The following SH2D1A variants were observed in gnomAD, a reference collection of about 807,000 sequenced individuals.
The protein encoded by SH2D1A is SH2 domain containing 1A.
Under a neutral mutation model 10.1 loss-of-function variants are expected in SH2D1A, and 6 were observed. The observed-to-expected ratio is 0.60, with a 90% CI of 0.33 to 1.18. The LOEUF is 1.18. SH2D1A is among the 50% of genes most tolerant of loss of function. The probability of loss-of-function intolerance (pLI) is 0.04; values close to 1 mark genes in which losing one functional copy is unlikely to be tolerated. For missense variants in SH2D1A, 51 were observed against 97.6 expected, an observed-to-expected ratio of 0.52 and a Z score of 2.01; for synonymous variants, 42 against 36.9, an observed-to-expected ratio of 1.14 and a Z score of -0.51.
At chrX:124,356,177 G>C (rs1012228864) in intron 1 of SH2D1A, among the ~76,000 whole-genome samples, 39 of 108,402 alleles carry the variant, frequency 3.6e-4, no homozygotes, top group African/African-American at 1.1e-3. Flanking sequence ...CCTTGCGATA[G>C]TTTGCTGAGA....
chrX:124,357,073 C>T (rs888948121), intron 1 of SH2D1A, among the ~76,000 whole-genome samples: 2 of 111,317 alleles, frequency 1.8e-5, no homozygotes, highest in African/African-American at 6.5e-5. Context: ...TACAATAGAT[C>T]TCTTGAACTT....
In SH2D1A at chrX:124,351,047, ATAT is replaced by A. The variant is rs1274508194; in HGVS notation, c.137+4275_137+4277del. Among the ~76,000 whole-genome samples, 10 of 90,956 alleles carry A rather than the reference ATAT, an allele frequency of 1.1e-4. No individual in the cohort carries two copies. In the East Asian group the frequency reaches 2.3e-3, roughly 20 times the overall value. 79.0% of individuals were successfully genotyped at this position (90,956 alleles called of 115,157 possible). On this transcript the variant is annotated intron_variant, in intron 1 of 3. Coordinates refer to ENST00000371139, the MANE Select transcript of SH2D1A (RefSeq NM_002351.5). ...TATTATAAATATATATATTTTATAT[ATAT>A]TATTATAAATATATATTTTTATATA... is the stretch of plus-strand genomic sequence containing the variant.
At chrX:124,370,030 T>C (rs2060065605) in intron 2 of SH2D1A, 146 bp from the exon 3 acceptor site, 1 of 526,298 alleles carries the variant, frequency 1.9e-6, no homozygotes, top group East Asian at 3.4e-5. Context: ...TCTTCTGGAA[T>C]GTTGTTTTTC....
Position 124,370,162 on chromosome X carries a change from C to T in SH2D1A, c.202-14C>T. 1 of 1,187,188 alleles carries T rather than the reference C, an allele frequency of 8.4e-7. No individual in the cohort carries two copies. The highest frequency in any genetic ancestry group is 3.0e-5 in the East Asian group (1 of 33,747). On this transcript the variant is annotated splice_polypyrimidine_tract_variant and intron_variant, in intron 2 of 3. Coordinates refer to ENST00000371139, the MANE Select transcript of SH2D1A (RefSeq NM_002351.5). ...GAGATAGGTAAATAATTTGCTTGGC[C>T]TTTTATTTTCCAGACAGCACCTGGG...
At chrX:124,368,380 G>C (rs778473285) in intron 2 of SH2D1A, among the ~76,000 whole-genome samples, 1 of 111,328 alleles carries the variant, frequency 9.0e-6, no homozygotes, top group African/African-American at 3.3e-5. Flanking sequence ...ACTTCAGGTG[G>C]TCCGCCGGTC....
chrX:124,361,640 G>A (rs1286680966), intron 1 of SH2D1A, among the ~76,000 whole-genome samples: 2 of 112,049 alleles, frequency 1.8e-5, no homozygotes, highest in African/African-American at 3.2e-5. Context: ...TCAGCAACAT[G>A]TTACTGCAAA....
chrX:124,367,160 C>T (rs968575766), intron 2 of SH2D1A, among the ~76,000 whole-genome samples: 1 of 111,728 alleles, frequency 9.0e-6, no homozygotes, highest in Non-Finnish European at 1.9e-5. Flanking sequence ...TCTGATCTGA[C>T]GTTGTTTATG....
At position 124,349,031 on chromosome X, in the gene SH2D1A, A is replaced by G. The variant is rs192536315; in HGVS notation, c.137+2252A>G. 1.4e-4 allele frequency among the ~76,000 whole-genome samples: 16 copies of G among 112,778 alleles called. No individual in the cohort carries two copies. In the East Asian group the frequency reaches 4.5e-3, roughly 31 times the overall value. On this transcript the variant is annotated intron_variant, in intron 1 of 3. Transcript: ENST00000371139. ...TAGACTTTTGCCTATGTAGGCCGGA[A>G]CCACATGAGGAATTAACTTAGGCAG... is the stretch of plus-strand genomic sequence containing the variant.
intron 2 of SH2D1A, among the ~76,000 whole-genome samples, chrX:124,367,223 C>T (rs777162882): frequency 4.5e-5 from 5 of 111,848 alleles, no homozygotes; most frequent in Non-Finnish European, 7.5e-5. Context: ...GCATGACATC[C>T]GCAAATAGAA....
At chrX:124,350,316 TATA>T (rs1448996429) in intron 1 of SH2D1A, among the ~76,000 whole-genome samples, 1 of 29,759 alleles carries the variant, frequency 3.4e-5, no homozygotes, top group Non-Finnish European at 5.1e-5. Flanking sequence ...ATATATTATA[TATA>T]ATATTATATA....
Position 124,347,406 on chromosome X carries a change from C to T in SH2D1A, c.137+627C>T, listed in dbSNP as rs183219650. ...CAGAAATAGGACCCTTCTTGATAAACGTTAGGACTCACAATAGTCTTAAAG... is the reference window on the plus strand; with the variant it reads ...CAGAAATAGGACCCTTCTTGATAAATGTTAGGACTCACAATAGTCTTAAAG... On this transcript the variant is annotated intron_variant, in intron 1 of 3. Coordinates refer to ENST00000371139, the MANE Select transcript of SH2D1A (RefSeq NM_002351.5). Among the ~76,000 whole-genome samples, 16 of 111,162 alleles carry T rather than the reference C, an allele frequency of 1.4e-4. No homozygotes were observed. In the East Asian group the frequency reaches 4.0e-3, roughly 28 times the overall value.
chrX:124,364,512 G>GT (rs60637596), intron 1 of SH2D1A: 5,398 of 195,417 alleles, frequency 0.028, no homozygotes, highest in East Asian at 0.055. Context: ...AAGCGATACA[G>GT]TTTTTTTTTT....
intron 1 of SH2D1A, among the ~76,000 whole-genome samples, chrX:124,351,046 T>C (rs1414841390): frequency 1.1e-5 from 1 of 91,294 alleles, no homozygotes; most frequent in African/African-American, 4.0e-5. Flanking sequence ...ATATTTTATA[T>C]ATATTATTAT....
At chrX:124,350,923 GATATATTATATATTGTATATAAGATATA>G (rs1556619726) in intron 1 of SH2D1A, among the ~76,000 whole-genome samples, 9 of 58,440 alleles carry the variant, frequency 1.5e-4, no homozygotes, top group Admixed American at 1.1e-3. Flanking sequence ...TTGTATATAA[GATATATTATATATTGTATATAAGATATA>G]ATATATTATA....
chrX:124,350,255 A>T (rs1278388216), intron 1 of SH2D1A, among the ~76,000 whole-genome samples: 1 of 31,404 alleles, frequency 3.2e-5, no homozygotes, highest in Admixed American at 5.4e-4. Context: ...ATAATATATA[A>T]TATATAAATA....
rs2060073366 is a variant in SH2D1A at position 124,372,947 on chromosome X, T to C, written c.*1556T>C. On this transcript the variant is annotated 3_prime_UTR_variant, in exon 4 of 4. Coordinates refer to ENST00000371139, the MANE Select transcript of SH2D1A (RefSeq NM_002351.5). ...AATCCTACTTTCATAATAAGTTGCA[T>C]AGGTTTAATAATTTTTAATTATATG... is the stretch of plus-strand genomic sequence containing the variant. 6.4e-6 allele frequency: 1 copy of C among 156,941 alleles called. No individual in the cohort carries two copies. The highest frequency in any genetic ancestry group is 9.8e-5 in the East Asian group (1 of 10,173). The allele number at this position is 156,941 out of a possible 1,213,427, so 12.9% of individuals were successfully genotyped here.
At chrX:124,363,051 A>G (rs2060044075) in intron 1 of SH2D1A, among the ~76,000 whole-genome samples, 1 of 111,651 alleles carries the variant, frequency 9.0e-6, no homozygotes, top group South Asian at 3.8e-4. Context: ...ACTGTGAGAA[A>G]GTAAATTTCT....
At chrX:124,356,189 T>C (rs1258735710) in intron 1 of SH2D1A, among the ~76,000 whole-genome samples, 2 of 109,614 alleles carry the variant, frequency 1.8e-5, no homozygotes, top group African/African-American at 6.7e-5. Context: ...TTGCTGAGAA[T>C]GATCGTTTCC....
intron 1 of SH2D1A, among the ~76,000 whole-genome samples, chrX:124,356,754 C>T (rs187034316): frequency 8.9e-6 from 1 of 112,522 alleles, no homozygotes; most frequent in Admixed American, 9.4e-5. Context: ...CCATCGTGCC[C>T]AGCCAGCATT....
Sources: allele counts gnomAD v4.1 joint callset (sites outside exome capture counted in the v4.1 genomes callset), GRCh38; gene constraint gnomAD v4.1.1; transcripts MANE v1.5; gene names NCBI Gene and HGNC (gene_info 2026-07-23, HGNC 2026-07-21).